CEP112: variants seen among roughly 807,000 people sequenced by gnomAD.
CEP112 encodes the protein centrosomal protein of 112 kDa.
Under a neutral mutation model 153.0 loss-of-function variants are expected in CEP112, and 127 were observed. That is an observed-to-expected ratio of 0.83 (90% CI 0.72 to 0.96). The LOEUF (loss-of-function observed/expected upper bound fraction) is 0.96, where lower values mean the gene tolerates loss of function less well. Ranked by LOEUF, CEP112 falls within the 40% of genes least tolerant of loss-of-function variation. CEP112 has a pLI of 0.00. For missense variants in CEP112, 1,089 were observed against 1,101.2 expected, an observed-to-expected ratio of 0.99 and a Z score of 0.16; for synonymous variants, 358 against 374.4, an observed-to-expected ratio of 0.96 and a Z score of 0.51.
At chr17:65,696,552 G>A (rs916663790) in intron 23 of CEP112, among the ~76,000 whole-genome samples, 4 of 152,162 alleles carry the variant, frequency 2.6e-5, no homozygotes, top group African/African-American at 4.8e-5. Context: ...GTCTGTGGCC[G>A]TGAAACAAGG....
intron 21 of CEP112, among the ~76,000 whole-genome samples, chr17:65,764,037 C>T (rs932796029): frequency 6.6e-6 from 1 of 151,988 alleles, no homozygotes. Context: ...GTAAATGTCA[C>T]TGTGCTTCTC....
intron 23 of CEP112, 112 bp downstream of exon 23, chr17:65,742,956 T>C: frequency 1.3e-6 from 1 of 758,118 alleles, no homozygotes; most frequent in Non-Finnish European, 2.1e-6. Flanking sequence ...TACTGCAGGC[T>C]GTGTGAACAA....
At chr17:65,782,511 T>A (rs1222144980) in intron 21 of CEP112, among the ~76,000 whole-genome samples, 1 of 152,082 alleles carries the variant, frequency 6.6e-6, no homozygotes, top group Non-Finnish European at 1.5e-5. Context: ...AAGAAAGTAA[T>A]TCATTCTACC....
At chr17:66,180,370 T>G (rs2072669951) in intron 2 of CEP112, among the ~76,000 whole-genome samples, 1 of 152,140 alleles carries the variant, frequency 6.6e-6, no homozygotes, top group South Asian at 2.1e-4. Flanking sequence ...GATAAAATTT[T>G]GTTATAATTT....
At chr17:65,984,342 ATC>A (rs2063329834) in intron 17 of CEP112, among the ~76,000 whole-genome samples, 1 of 152,204 alleles carries the variant, frequency 6.6e-6, no homozygotes, top group African/African-American at 2.4e-5. Context: ...GTGGTGCCAG[ATC>A]TCACATAGTT....
chr17:66,059,419 C>A (rs985577136), intron 11 of CEP112, among the ~76,000 whole-genome samples: 2 of 151,948 alleles, frequency 1.3e-5, no homozygotes, highest in African/African-American at 4.8e-5. Context: ...GGTCTAATAC[C>A]CAGAATCTAT....
chr17:66,123,425 C>T (rs2069691226), intron 6 of CEP112, among the ~76,000 whole-genome samples: 1 of 152,194 alleles, frequency 6.6e-6, no homozygotes, highest in Non-Finnish European at 1.5e-5. Context: ...TGAAGCTGAG[C>T]TGGAGAAGGA....
chr17:65,814,336 T>C (rs1440145246), intron 21 of CEP112, among the ~76,000 whole-genome samples: 1 of 152,184 alleles, frequency 6.6e-6, no homozygotes, highest in Non-Finnish European at 1.5e-5. Flanking sequence ...GCTTTCTCTA[T>C]TTCCCTTTTC....
chr17:65,731,122 C>G (rs2050482114), intron 23 of CEP112, among the ~76,000 whole-genome samples: 2 of 152,112 alleles, frequency 1.3e-5, no homozygotes, highest in Admixed American at 1.3e-4. Context: ...AGTGCCAACT[C>G]ACATTTAGAT....
intron 17 of CEP112, among the ~76,000 whole-genome samples, chr17:66,001,437 T>C (rs904652699): frequency 3.3e-5 from 5 of 152,216 alleles, no homozygotes; most frequent in African/African-American, 1.2e-4. Flanking sequence ...ACTGTACATA[T>C]ACTTAATACT....
At chr17:66,121,367 AGCT>A (rs777587753) in intron 6 of CEP112, among the ~76,000 whole-genome samples, 3 of 152,014 alleles carry the variant, frequency 2.0e-5, no homozygotes, top group African/African-American at 4.8e-5. Context: ...AAGTGCATTG[AGCT>A]TTTTGGATGC....
chr17:65,745,193 T>C (rs11656863), intron 22 of CEP112, among the ~76,000 whole-genome samples: 1 of 152,180 alleles, frequency 6.6e-6, no homozygotes, highest in African/African-American at 2.4e-5. Flanking sequence ...TTGGAATTTG[T>C]CAATAATCAA....
intron 20 of CEP112, among the ~76,000 whole-genome samples, chr17:65,888,027 G>A (rs1242425657): frequency 6.6e-6 from 1 of 151,858 alleles, no homozygotes; most frequent in East Asian, 1.9e-4. Context: ...AGATGTCCAC[G>A]TCTTCCAAAA....
At chr17:66,104,913 T>C (rs543347484) in intron 6 of CEP112, among the ~76,000 whole-genome samples, 16 of 152,250 alleles carry the variant, frequency 1.1e-4, no homozygotes, top group Admixed American at 7.8e-4. Context: ...GAAAGGACAT[T>C]AATGTGCAAT....
chr17:66,078,277 T>G (rs913941954), intron 8 of CEP112, among the ~76,000 whole-genome samples: 1 of 148,352 alleles, frequency 6.7e-6, no homozygotes, highest in Non-Finnish European at 1.5e-5. Flanking sequence ...TTTTTTTTTT[T>G]GAGACGGAGT....
intron 24 of CEP112, among the ~76,000 whole-genome samples, chr17:65,679,736 T>C (rs539840266): frequency 1.3e-5 from 2 of 152,230 alleles, no homozygotes; most frequent in Non-Finnish European, 2.9e-5. Flanking sequence ...GGTTTAAAGA[T>C]AAGCAGTGCT....
At chr17:65,932,554 C>T (rs192081902) in intron 18 of CEP112, among the ~76,000 whole-genome samples, 1 of 152,280 alleles carries the variant, frequency 6.6e-6, no homozygotes, top group African/African-American at 2.4e-5. Context: ...GTTTAATTGG[C>T]TCACAGTTCA....
intron 23 of CEP112, among the ~76,000 whole-genome samples, chr17:65,729,907 T>C (rs2050401412): frequency 8.2e-6 from 1 of 122,470 alleles, no homozygotes; most frequent in African/African-American, 3.0e-5. Flanking sequence ...AGCGAGATCC[T>C]GTCTCAAACA....
At chr17:65,715,977 C>T (rs544944597) in intron 23 of CEP112, among the ~76,000 whole-genome samples, 1 of 152,282 alleles carries the variant, frequency 6.6e-6, no homozygotes, top group Admixed American at 6.5e-5. Flanking sequence ...AAGTTGATTA[C>T]TTCTAAGCAT....
Sources: allele counts gnomAD v4.1 joint callset (sites outside exome capture counted in the v4.1 genomes callset), GRCh38; gene constraint gnomAD v4.1.1; transcripts MANE v1.5; gene names NCBI Gene and HGNC (gene_info 2026-07-23, HGNC 2026-07-21).